ALB: variants seen among roughly 807,000 people sequenced by gnomAD.
The protein encoded by ALB is serum albumin.
Under a neutral mutation model 74.5 loss-of-function variants are expected in ALB, and 37 were observed. The observed-to-expected ratio is 0.50, with a 90% CI of 0.38 to 0.65. The LOEUF (loss-of-function observed/expected upper bound fraction) is 0.65. Ranked by LOEUF, ALB falls within the 30% of genes least tolerant of loss-of-function variation. The pLI, the probability that ALB is intolerant of heterozygous loss-of-function variation, is 0.00. For missense variants in ALB, 685 were observed against 718.7 expected (o/e 0.95, Z 0.54); for synonymous variants, 249 against 251.6 (o/e 0.99, Z 0.10).
chr4:73,407,831 A>AT (rs1184475852), intron 3 of ALB, among the ~76,000 whole-genome samples: 1 of 152,168 alleles, frequency 6.6e-6, no homozygotes, highest in Non-Finnish European at 1.5e-5. Flanking sequence ...CTCAATCTAT[A>AT]TATACCTCTT....
intron 6 of ALB, among the ~76,000 whole-genome samples, chr4:73,411,509 G>GA (rs1470605762): frequency 6.6e-6 from 1 of 152,126 alleles, no homozygotes. Context: ...TTTCAATTGA[G>GA]AAAAAAGATA....
intron 3 of ALB, 85 bp from the exon 4 acceptor site, chr4:73,408,509 A>G: frequency 1.0e-5 from 12 of 1,183,616 alleles, no homozygotes; most frequent in Non-Finnish European, 1.2e-5. Flanking sequence ...AAGCTTAACC[A>G]GTATATTAAA....
At position 73,418,218 on chromosome 4, in the gene ALB, C is replaced by A. The variant is rs1560860000; in HGVS notation, c.1559C>A (p.Thr520Lys). The A allele has an allele frequency of 1.9e-6, 3 of 1,614,034 alleles. No individual in the cohort carries two copies. The highest frequency in any genetic ancestry group is 2.7e-5 in the African/African-American group (2 of 74,920). Residue 520 changes from threonine (T) to lysine (K), a missense_variant, in exon 12 of 15, where the codon ACA (threonine) becomes AAA (lysine). By Grantham distance (78) the Thr-to-Lys change is moderately conservative (BLOSUM62 -1). Transcript: ENST00000295897. Reference protein sequence around the residue: ...PCFSALEVDETYVPKEFNAET... With the variant: ...PCFSALEVDEKYVPKEFNAET... ...TTTTCAGCTCTGGAAGTCGATGAAA[C>A]ATACGTTCCCAAAGAGTTTAATGCT...
At chr4:73,413,752 A>G in intron 8 of ALB, 118 bp downstream of exon 8, 1 of 978,408 alleles carries the variant, frequency 1.0e-6, no homozygotes, top group South Asian at 1.4e-5. Flanking sequence ...ATGTTTCTTC[A>G]TCCTTCCCTT....
In ALB at chr4:73,415,140, A is replaced by G. The variant is rs17854155; in HGVS notation, c.1164A>G (p.Ala388=). The G allele has an allele frequency of 8.1e-6, 13 of 1,614,198 alleles. No individual in the cohort carries two copies. The East Asian group carries it at 2.9e-4, about 36-fold the overall frequency. ...ETTLEKCCAA[A]DPHECYAKVF... ...CTCTAGAGAAGTGCTGTGCCGCTGCAGATCCTCATGAATGCTATGCCAAAG... is the reference window on the plus strand; with the variant it reads ...CTCTAGAGAAGTGCTGTGCCGCTGCGGATCCTCATGAATGCTATGCCAAAG... Residue 388 remains alanine (A), a synonymous_variant, in exon 9 of 15, where the codon GCA becomes GCG. Transcript: ENST00000295897.
chr4:73,411,844 T>C, intron 6 of ALB, 152 bp from the exon 7 acceptor site: 1 of 922,734 alleles, frequency 1.1e-6, no homozygotes, highest in Non-Finnish European at 1.7e-6. Flanking sequence ...GGATAAGTGA[T>C]TACCATTTGG....
chr4:73,411,366 T>A (rs770894323), intron 6 of ALB, among the ~76,000 whole-genome samples: 8 of 152,184 alleles, frequency 5.3e-5, no homozygotes, highest in African/African-American at 1.4e-4. Context: ...AAATTAGACG[T>A]TTACATCTTG....
intron 2 of ALB, 95 bp downstream of exon 2, chr4:73,405,268 T>C (rs1343293693): frequency 9.0e-7 from 1 of 1,106,442 alleles, no homozygotes; most frequent in Non-Finnish European, 1.4e-6. Flanking sequence ...AGGGTTCAGA[T>C]TCTAAAACAG....
chr4:73,405,704 C>T (rs1718705756), intron 2 of ALB, among the ~76,000 whole-genome samples: 1 of 151,974 alleles, frequency 6.6e-6, no homozygotes, highest in East Asian at 1.9e-4. Flanking sequence ...CATTCTCCTG[C>T]CTCAGCCTCC....
At position 73,415,339 on chromosome 4, in the gene ALB, A is replaced by C. The variant is rs1718986984; in HGVS notation, c.1191+172A>C. ...AAGAAAAAGTAGCCTTAGAATGATT[A>C]ACAAAATTTAGACTAGTTAGAATAG... On this transcript the variant is annotated intron_variant, in intron 9 of 14. Coordinates refer to ENST00000295897, the MANE Select transcript of ALB (RefSeq NM_000477.7). 1.6e-5 allele frequency: 13 copies of C among 789,716 alleles called. No individual in the cohort carries two copies. In the East Asian group the frequency reaches 3.6e-4, roughly 22 times the overall value. The allele number at this position is 789,716 out of a possible 1,614,324, so 48.9% of individuals were successfully genotyped here.
chr4:73,421,333 G>C lies in ALB; in HGVS notation c.*265G>C. ...TTCTGTAGGTTCTGTGGAAGTTCCA[G>C]TGTTCTCTCTTATTCCACTTCGGTA... On this transcript the variant is annotated 3_prime_UTR_variant, in exon 15 of 15. Coordinates refer to ENST00000295897, the MANE Select transcript of ALB (RefSeq NM_000477.7). The C allele has an allele frequency of 2.6e-6, 1 of 390,668 alleles. No homozygotes were observed. The highest frequency in any genetic ancestry group is 4.6e-6 in the Non-Finnish European group (1 of 219,678). The allele number at this position is 390,668 out of a possible 1,614,324, so 24.2% of individuals were successfully genotyped here.
In ALB at chr4:73,420,315, A is replaced by G. The variant is rs781135787; in HGVS notation, c.*17A>G. The G allele has an allele frequency of 8.1e-6, 13 of 1,601,226 alleles. No individual in the cohort carries two copies. Among genetic ancestry groups the G allele is most frequent in the Admixed American group, 5.0e-5 (3 of 59,790 alleles). ...GGCTTATAACATCACATTTAAAAGC[A>G]TCTCAGGTAACTATATTTTGAATTT... On this transcript the variant is annotated 3_prime_UTR_variant, in exon 14 of 15. Coordinates refer to ENST00000295897, the MANE Select transcript of ALB (RefSeq NM_000477.7).
At chr4:73,404,508 T>C in intron 1 of ALB, 102 bp downstream of exon 1, 2 of 1,004,122 alleles carry the variant, frequency 2.0e-6, no homozygotes. Flanking sequence ...TTGGCATTTA[T>C]TTCTAAAATG....
chr4:73,412,608 G>T (rs1718907604), intron 7 of ALB, among the ~76,000 whole-genome samples: 1 of 152,154 alleles, frequency 6.6e-6, no homozygotes, highest in African/African-American at 2.4e-5. Context: ...ACCACACCTG[G>T]CTAATTTTGT....
chr4:73,418,444 C>A, intron 12 of ALB, 133 bp downstream of exon 12: 1 of 779,906 alleles, frequency 1.3e-6, no homozygotes, highest in Non-Finnish European at 2.2e-6. Context: ...CCTTATTATG[C>A]TGATAAGAGT....
intron 3 of ALB, among the ~76,000 whole-genome samples, chr4:73,408,122 C>G (rs374544861): frequency 1.6e-4 from 24 of 152,228 alleles, no homozygotes; most frequent in African/African-American, 5.3e-4. Context: ...TTAATAGTCA[C>G]TTAATATATG....
At chr4:73,415,804 G>A (rs1718997822) in intron 9 of ALB, among the ~76,000 whole-genome samples, 1 of 152,048 alleles carries the variant, frequency 6.6e-6, no homozygotes, top group Non-Finnish European at 1.5e-5. Flanking sequence ...GAATCTAACT[G>A]GAAAGGTGAA....
chr4:73,418,995 A>G (rs1218485533), intron 12 of ALB, among the ~76,000 whole-genome samples: 2 of 152,168 alleles, frequency 1.3e-5, no homozygotes, highest in African/African-American at 2.4e-5. Context: ...CTTATTTTCT[A>G]TAGCCTCCCC....
Position 73,413,438 on chromosome 4 carries a change from A to G in ALB, c.862A>G (p.Ile288Val). The change falls in exon 8 of 15, where the codon ATC (isoleucine) becomes GTC (valine). Residue 288 changes from isoleucine to valine, a missense_variant. Ile to Val is a conservative substitution (Grantham distance 29, BLOSUM62 3). Transcript: ENST00000295897. The part of the protein sequence containing the change: ...ADDRADLAKY[I>V]CENQDSISSK... The stretch of plus-strand genomic sequence containing the variant: ...CTTATAGGCGGACCTTGCCAAGTAT[A>G]TCTGTGAAAATCAAGATTCGATCTC... 2 of 1,614,092 alleles carry G rather than the reference A, an allele frequency of 1.2e-6. No individual in the cohort carries two copies. The highest frequency in any genetic ancestry group is 1.7e-6 in the Non-Finnish European group (2 of 1,179,938).
Sources: gnomAD v4.1 joint callset for allele counts (sites outside exome capture counted in the v4.1 genomes callset) on GRCh38, gnomAD v4.1.1 for gene constraint, MANE v1.5 for transcripts, NCBI Gene and HGNC (gene_info 2026-07-23, HGNC 2026-07-21) for gene names.